The following ZBTB16 variants were observed in gnomAD, a reference collection of about 807,000 sequenced individuals.
ZBTB16 encodes zinc finger and BTB domain containing 16.
A neutral mutation model predicts 56.8 loss-of-function variants in ZBTB16; 8 were observed. The ratio of observed to expected loss-of-function variants is 0.14; its 90% confidence interval spans 0.08 to 0.25. ZBTB16 has a LOEUF of 0.25. Among genes scored for constraint, ZBTB16 ranks in the 10% least tolerant of loss-of-function variants. The pLI is 1.00. For synonymous variants in ZBTB16, 363 were observed against 368.5 expected (o/e 0.98, Z 0.17); for missense variants, 625 against 903.0 (o/e 0.69, Z 3.95).
At chr11:114,175,485 CTCTT>C (rs1943085928) in intron 3 of ZBTB16, among the ~76,000 whole-genome samples, 2 of 151,394 alleles carry the variant, frequency 1.3e-5, no homozygotes, top group Non-Finnish European at 2.9e-5. Flanking sequence ...GAGACAGAGT[CTCTT>C]TCTGTTGCCC....
At chr11:114,224,036 T>G (rs1164181428) in intron 4 of ZBTB16, among the ~76,000 whole-genome samples, 1 of 152,150 alleles carries the variant, frequency 6.6e-6, no homozygotes, top group Non-Finnish European at 1.5e-5. Flanking sequence ...TTAAGTAGTT[T>G]TTGCCTTTTT....
At chr11:114,088,598 C>T (rs576738069) in intron 2 of ZBTB16, among the ~76,000 whole-genome samples, 1 of 152,268 alleles carries the variant, frequency 6.6e-6, no homozygotes, top group East Asian at 1.9e-4. Flanking sequence ...TATTCAGTAC[C>T]TCTTGCTGGC....
chr11:114,096,868 T>C (rs1050601659), intron 2 of ZBTB16, among the ~76,000 whole-genome samples: 1 of 152,222 alleles, frequency 6.6e-6, no homozygotes, highest in African/African-American at 2.4e-5. Context: ...GCACAAACGA[T>C]GGATTCCTTT....
At chr11:114,070,502 A>G (rs1939309420) in intron 2 of ZBTB16, among the ~76,000 whole-genome samples, 1 of 152,216 alleles carries the variant, frequency 6.6e-6, no homozygotes, top group African/African-American at 2.4e-5. Flanking sequence ...CTCTATTGAC[A>G]AATGAGGAAA....
chr11:114,132,235 A>G (rs1169115477), intron 2 of ZBTB16, among the ~76,000 whole-genome samples: 1 of 152,104 alleles, frequency 6.6e-6, no homozygotes, highest in Non-Finnish European at 1.5e-5. Context: ...ATGAGTAGTT[A>G]GAGATACACC....
chr11:114,105,929 T>C (rs1480597340), intron 2 of ZBTB16, among the ~76,000 whole-genome samples: 2 of 152,256 alleles, frequency 1.3e-5, no homozygotes, highest in African/African-American at 2.4e-5. Flanking sequence ...TTTTAATTGC[T>C]TTCTTTCACT....
intron 3 of ZBTB16, among the ~76,000 whole-genome samples, chr11:114,159,681 CT>C (rs1425468249): frequency 6.6e-6 from 1 of 152,058 alleles, no homozygotes; most frequent in Non-Finnish European, 1.5e-5. Flanking sequence ...GGCGCTGGGT[CT>C]TCTTACAGAT....
At chr11:114,224,902 CA>C (rs1944299493) in intron 4 of ZBTB16, among the ~76,000 whole-genome samples, 1 of 152,154 alleles carries the variant, frequency 6.6e-6, no homozygotes, top group Non-Finnish European at 1.5e-5. Context: ...ATATCAAAGG[CA>C]AACAGTTTTG....
At chr11:114,169,314 G>C (rs1231254314) in intron 3 of ZBTB16, among the ~76,000 whole-genome samples, 2 of 152,186 alleles carry the variant, frequency 1.3e-5, no homozygotes, top group Non-Finnish European at 1.5e-5. Context: ...GGGCCTCCCT[G>C]ACCTTTCAGA....
intron 4 of ZBTB16, among the ~76,000 whole-genome samples, chr11:114,213,146 C>T (rs1358344345): frequency 6.6e-6 from 1 of 152,020 alleles, no homozygotes; most frequent in Non-Finnish European, 1.5e-5. Flanking sequence ...GGCCTGGCTG[C>T]TGTAGGGAAA....
intron 2 of ZBTB16, among the ~76,000 whole-genome samples, chr11:114,134,348 T>C (rs1452700775): frequency 6.6e-6 from 1 of 152,070 alleles, no homozygotes; most frequent in East Asian, 1.9e-4. Flanking sequence ...ACTGGGCCTT[T>C]TCTTTCTTTC....
intron 3 of ZBTB16, among the ~76,000 whole-genome samples, chr11:114,158,125 C>T (rs1163499798): frequency 6.6e-6 from 1 of 152,088 alleles, no homozygotes; most frequent in South Asian, 2.1e-4. Flanking sequence ...GTTGGCTACC[C>T]TTCCCTTGCT....
chr11:114,112,582 T>C (rs1565631608), intron 2 of ZBTB16, among the ~76,000 whole-genome samples: 1 of 152,142 alleles, frequency 6.6e-6, no homozygotes, highest in Non-Finnish European at 1.5e-5. Context: ...AAGGGAAATA[T>C]TGTCCTTTTG....
intron 4 of ZBTB16, among the ~76,000 whole-genome samples, chr11:114,230,294 G>A (rs1246650917): frequency 1.3e-5 from 2 of 152,210 alleles, no homozygotes; most frequent in Non-Finnish European, 2.9e-5. Flanking sequence ...TGAATCAGGT[G>A]TAATCAGGCT....
intron 3 of ZBTB16, among the ~76,000 whole-genome samples, chr11:114,157,850 C>G (rs1169361944): frequency 6.6e-6 from 1 of 152,204 alleles, no homozygotes; most frequent in African/African-American, 2.4e-5. Flanking sequence ...GTCCCCATGT[C>G]TTCGTGCATT....
In ZBTB16 at chr11:114,186,985, G is replaced by A; in HGVS notation, c.1400G>A (p.Gly467Asp). 6.2e-7 allele frequency: 1 copy of A among 1,614,076 alleles called. No homozygotes were observed. Among genetic ancestry groups the A allele is most frequent in the Non-Finnish European group, 8.5e-7 (1 of 1,180,002 alleles). ...AAAGCCTTTGTCTGTGATCAGTGCG[G>A]TGCACAGTTTTCGAAGGAGGATGCC... ...GAKAFVCDQC[G>D]AQFSKEDALE... The change falls in exon 4 of 7, where the codon GGT (glycine) becomes GAT (aspartate). Residue 467 changes from glycine to aspartate, a missense_variant. By Grantham distance (94) the Gly-to-Asp change is moderately conservative. Transcript: ENST00000335953.
chr11:114,126,868 G>A (rs1253343355), intron 2 of ZBTB16, among the ~76,000 whole-genome samples: 4 of 152,168 alleles, frequency 2.6e-5, no homozygotes, highest in Non-Finnish European at 5.9e-5. Flanking sequence ...ACTCTAGAAT[G>A]GAGTCTCTGC....
At chr11:114,223,557 T>G (rs1046921508) in intron 4 of ZBTB16, among the ~76,000 whole-genome samples, 3 of 152,230 alleles carry the variant, frequency 2.0e-5, no homozygotes, top group African/African-American at 7.2e-5. Context: ...TTTATTTGTT[T>G]ATTAATTCAT....
chr11:114,214,750 T>C (rs1226296725), intron 4 of ZBTB16, among the ~76,000 whole-genome samples: 4 of 152,190 alleles, frequency 2.6e-5, no homozygotes, highest in Non-Finnish European at 5.9e-5. Flanking sequence ...ACTACAGGCA[T>C]GCGCCACCAC....
Sources: allele counts gnomAD v4.1 joint callset (sites outside exome capture counted in the v4.1 genomes callset), GRCh38; gene constraint gnomAD v4.1.1; transcripts MANE v1.5; gene names NCBI Gene and HGNC (gene_info 2026-07-23, HGNC 2026-07-21).